Variants in SLC16A12 observed in about 807,000 individuals in gnomAD.
SLC16A12 encodes the protein monocarboxylate transporter 12.
SLC16A12 carries 17 observed loss-of-function variants against 42.4 expected under a neutral mutation model. The observed-to-expected ratio is 0.40, with a 90% CI of 0.27 to 0.60. SLC16A12 has a LOEUF of 0.60. SLC16A12 is among the 20% of genes least tolerant of loss of function. The pLI, the probability that SLC16A12 is intolerant of heterozygous loss-of-function variation, is 0.42. For synonymous variants in SLC16A12, 224 were observed against 229.4 expected (o/e 0.98, Z 0.21); for missense variants, 544 against 623.0 (o/e 0.87, Z 1.35).
At chr10:89,535,135 T>C (rs1439120578) in intron 1 of SLC16A12, among the ~76,000 whole-genome samples, 2 of 151,220 alleles carry the variant, frequency 1.3e-5, no homozygotes, top group Non-Finnish European at 2.9e-5. Context: ...AGAAAGATGG[T>C]CTCTATTCCA....
At position 89,481,680 on chromosome 10, in the gene SLC16A12, T is replaced by TGTGTGAGAGAGAGA. The variant is rs1403264044; in HGVS notation, c.-46-19057_-46-19056insTCTCTCTCTCACAC. ...GTGTGTGTGTGAGAGAGAGAGAGAG[T>TGTGTGAGAGAGAGA]GTGTGTGTGTGTGTGTGTGTGTGTA... is the stretch of plus-strand genomic sequence containing the variant. On this transcript the variant is annotated intron_variant, in intron 2 of 7. Transcript: ENST00000371790. 1.6e-3 allele frequency among the ~76,000 whole-genome samples: 218 copies of TGTGTGAGAGAGAGA among 137,350 alleles called. 2 individuals are homozygous for TGTGTGAGAGAGAGA. The highest frequency in any genetic ancestry group is 5.4e-3 in the African/African-American group (192 of 35,510). 90.1% of individuals were successfully genotyped at this position (137,350 alleles called of 152,430 possible).
At position 89,469,398 on chromosome 10, in the gene SLC16A12, C is replaced by T. The variant is rs574877485; in HGVS notation, c.-46-6774G>A. 2.2e-4 allele frequency among the ~76,000 whole-genome samples: 34 copies of T among 152,344 alleles called. 2 individuals carry two copies. In the South Asian group the frequency reaches 5.4e-3, roughly 24 times the overall value. On this transcript the variant is annotated intron_variant, in intron 2 of 7. Coordinates refer to ENST00000371790, the MANE Select transcript of SLC16A12 (RefSeq NM_213606.4). Reference sequence around the variant, plus strand: ...AAAATTCTTGCTAACATTCAGTAAACTCGCAGTAAAGCACTCCATTTGTGG... The same window carrying T: ...AAAATTCTTGCTAACATTCAGTAAATTCGCAGTAAAGCACTCCATTTGTGG...
chr10:89,552,357 G>A (rs1843776236), intron 2 of SLC16A12, among the ~76,000 whole-genome samples: 1 of 152,216 alleles, frequency 6.6e-6, no homozygotes, highest in Non-Finnish European at 1.5e-5. Context: ...TAAATCCCAT[G>A]TAATCTCATT....
chr10:89,511,164 C>T (rs572887801), intron 2 of SLC16A12, among the ~76,000 whole-genome samples: 70 of 152,310 alleles, frequency 4.6e-4, no homozygotes, highest in African/African-American at 1.6e-3. Flanking sequence ...TTGTGGAAGA[C>T]AGTGTGGTGA....
intron 2 of SLC16A12, among the ~76,000 whole-genome samples, chr10:89,544,803 G>T (rs1234675762): frequency 6.8e-6 from 1 of 147,546 alleles, no homozygotes. Flanking sequence ...ATGAAACCAG[G>T]TCTGTCTAAC....
At chr10:89,544,666 A>G (rs1843733085) in intron 2 of SLC16A12, among the ~76,000 whole-genome samples, 1 of 152,208 alleles carries the variant, frequency 6.6e-6, no homozygotes, top group African/African-American at 2.4e-5. Flanking sequence ...TTCCTATGAT[A>G]TACCAGGCCC....
chr10:89,439,067 T>A lies in SLC16A12; in HGVS notation c.565A>T (p.Ile189Phe), dbSNP rs774562438. The A allele has an allele frequency of 1.9e-6, 3 of 1,613,556 alleles. No homozygotes were observed. In the East Asian group the frequency reaches 6.7e-5, roughly 36 times the overall value. Residue 189 changes from isoleucine to phenylalanine, a missense_variant, in exon 6 of 8, where the codon ATC becomes TTC. Physicochemically the swap from Ile to Phe is conservative, Grantham distance 21 (BLOSUM62 0). Transcript: ENST00000371790. The part of the protein sequence containing the change: ...AMSGSGIGTF[I>F]LAPVVQLLIE... The stretch of plus-strand genomic sequence containing the variant: ...AGGAGCTGAACCACAGGAGCCAGGA[T>A]GAAGGTGCCAATGCCACTTCCTGAC...
chr10:89,456,243 C>T (rs1454860129), intron 3 of SLC16A12: 1 of 152,170 alleles, frequency 6.6e-6, no homozygotes, highest in Non-Finnish European at 1.5e-5. Flanking sequence ...TGCCAACATG[C>T]ACAATGTAAG....
At chr10:89,456,169 T>A (rs1842186369) in intron 3 of SLC16A12, 1 of 152,218 alleles carries the variant, frequency 6.6e-6, no homozygotes, top group Non-Finnish European at 1.5e-5. Flanking sequence ...ACCTTGGACA[T>A]GTTCTTCAAC....
chr10:89,486,666 A>AG (rs1564586002), intron 2 of SLC16A12, among the ~76,000 whole-genome samples: 9 of 113,130 alleles, frequency 8.0e-5, no homozygotes, highest in Non-Finnish European at 1.4e-4. Flanking sequence ...AAAGAAAGAA[A>AG]AGAAAGAAAG....
At chr10:89,459,109 C>T (rs1216193067) in intron 3 of SLC16A12, among the ~76,000 whole-genome samples, 2 of 152,324 alleles carry the variant, frequency 1.3e-5, no homozygotes, top group Middle Eastern at 3.4e-3. Context: ...CTAAGATATA[C>T]ATTTTATGAG....
chr10:89,432,845 A>G lies in SLC16A12; in HGVS notation c.*219T>C. 1 of 572,610 alleles carries G rather than the reference A, an allele frequency of 1.7e-6. No homozygotes were observed. The highest frequency in any genetic ancestry group is 3.0e-6 in the Non-Finnish European group (1 of 337,292). The allele number at this position is 572,610 out of a possible 1,614,324, so 35.5% of individuals were successfully genotyped here. A position where few individuals can be genotyped will look rare whatever the true frequency, so the allele number is the denominator to read the frequency against. On this transcript the variant is annotated 3_prime_UTR_variant, in exon 8 of 8. Coordinates refer to ENST00000371790, the MANE Select transcript of SLC16A12 (RefSeq NM_213606.4). ...CCCATTGACCAAAAGATACGAGTTCAGTTATGAGCACAAATCCCAAATGAG... is the reference window on the plus strand; with the variant it reads ...CCCATTGACCAAAAGATACGAGTTCGGTTATGAGCACAAATCCCAAATGAG...
At chr10:89,533,641 G>C (rs1232235376) in intron 2 of SLC16A12, among the ~76,000 whole-genome samples, 1 of 151,984 alleles carries the variant, frequency 6.6e-6, no homozygotes, top group Admixed American at 6.6e-5. Flanking sequence ...AGGAAAGATG[G>C]GGGTAGAGTT....
rs143122617 is a variant in SLC16A12 at position 89,436,088 on chromosome 10, C to T, written c.1260G>A (p.Val420=). The change falls in exon 7 of 8, where the codon GTG becomes GTA. Residue 420 remains valine, a synonymous_variant. Transcript: ENST00000371790. ...CGATGGGTGGGCTCACCAAGTATGG[C>T]ACTGCGTGAAGGAAGTATACCACAC... ...ALGVVYFLHA[V]PYLVSPPIAG... 1.2e-6 allele frequency: 2 copies of T among 1,613,874 alleles called. No individual in the cohort carries two copies. The highest frequency in any genetic ancestry group is 4.5e-5 in the East Asian group (2 of 44,878).
chr10:89,551,140 G>A (rs1443268121), intron 2 of SLC16A12, among the ~76,000 whole-genome samples: 1 of 152,102 alleles, frequency 6.6e-6, no homozygotes, highest in African/African-American at 2.4e-5. Context: ...GGTGACCGGT[G>A]ATCAAAAATC....
At chr10:89,441,396 G>A (rs1841909153) in intron 4 of SLC16A12, 145 bp from the exon 5 acceptor site, 4 of 978,170 alleles carry the variant, frequency 4.1e-6, no homozygotes, top group Non-Finnish European at 6.2e-6. Flanking sequence ...GAGGCCCAGA[G>A]AAAGGAAGTG....
intron 2 of SLC16A12, among the ~76,000 whole-genome samples, chr10:89,487,388 C>T (rs57304744): frequency 0.068 from 10,330 of 152,012 alleles, 507 homozygotes; most frequent in East Asian, 0.21. Flanking sequence ...CATACATTGT[C>T]GGTGGGAATG....
intron 2 of SLC16A12, among the ~76,000 whole-genome samples, chr10:89,521,670 C>G (rs1843360052): frequency 6.6e-6 from 1 of 152,138 alleles, no homozygotes; most frequent in Admixed American, 6.5e-5. Flanking sequence ...GAGAGTGTCA[C>G]ACTGCACATT....
chr10:89,538,236 G>A (rs1056475226), upstream of SLC16A12, among the ~76,000 whole-genome samples: 7 of 152,224 alleles, frequency 4.6e-5, no homozygotes, highest in Admixed American at 4.6e-4. Context: ...AGGAGGAAAG[G>A]GAAGGAGCAA....
Sources: allele counts gnomAD v4.1 joint callset (sites outside exome capture counted in the v4.1 genomes callset), GRCh38; gene constraint gnomAD v4.1.1; transcripts MANE v1.5; gene names NCBI Gene and HGNC (gene_info 2026-07-23, HGNC 2026-07-21).